ANTXR2: variants seen among roughly 807,000 people sequenced by gnomAD.
ANTXR2 encodes anthrax toxin receptor 2.
A neutral mutation model predicts 73.7 loss-of-function variants in ANTXR2; 44 were observed. The ratio of observed to expected loss-of-function variants is 0.60; its 90% CI spans 0.47 to 0.77. The LOEUF (loss-of-function observed/expected upper bound fraction) is 0.77. ANTXR2 is among the 30% of genes least tolerant of loss of function. The probability of loss-of-function intolerance (pLI) is 0.00; values close to 1 mark genes in which losing one functional copy is unlikely to be tolerated. For synonymous variants in ANTXR2, 217 were observed against 205.9 expected (o/e 1.05, Z -0.46); for missense variants, 604 against 592.5 (o/e 1.02, Z -0.20).
intron 16 of ANTXR2, among the ~76,000 whole-genome samples, chr4:79,948,277 A>C (rs560741838): frequency 2.0e-5 from 3 of 152,300 alleles, no homozygotes; most frequent in Non-Finnish European, 4.4e-5. Context: ...TGGTTGAAAA[A>C]TGCTGTTAAA....
chr4:80,022,114 T>C (rs1732193913), intron 10 of ANTXR2, among the ~76,000 whole-genome samples: 1 of 152,228 alleles, frequency 6.6e-6, no homozygotes, highest in Non-Finnish European at 1.5e-5. Context: ...TTCTACAACA[T>C]ACTACTTTAA....
At chr4:80,069,213 T>C (rs1030467611) in intron 3 of ANTXR2, among the ~76,000 whole-genome samples, 2 of 152,098 alleles carry the variant, frequency 1.3e-5, no homozygotes, top group Non-Finnish European at 2.9e-5. Context: ...GACAGGGATC[T>C]AGATTTCACT....
intron 16 of ANTXR2, 84 bp downstream of exon 16, chr4:79,977,537 A>G: frequency 1.3e-6 from 2 of 1,525,230 alleles, no homozygotes; most frequent in Admixed American, 2.3e-5. Context: ...AGGGCTTTAA[A>G]ATCATTTTTT....
chr4:79,948,841 C>G (rs555014903), intron 16 of ANTXR2, among the ~76,000 whole-genome samples: 4 of 152,060 alleles, frequency 2.6e-5, no homozygotes, highest in Admixed American at 2.0e-4. Flanking sequence ...TGTAGGTAAC[C>G]TAGATCTTTG....
chr4:80,022,924 G>A (rs2110073224), intron 10 of ANTXR2, among the ~76,000 whole-genome samples: 1 of 152,142 alleles, frequency 6.6e-6, no homozygotes, highest in Admixed American at 6.5e-5. Flanking sequence ...GTTGTTTTAA[G>A]GAACAGAGCT....
At chr4:80,014,372 T>C (rs939720242) in intron 11 of ANTXR2, among the ~76,000 whole-genome samples, 19 of 151,764 alleles carry the variant, frequency 1.3e-4, no homozygotes, top group African/African-American at 4.4e-4. Context: ...ATTGAGACCA[T>C]CCTGGCCAAC....
At chr4:80,036,679 T>C (rs1732984889) in intron 7 of ANTXR2, among the ~76,000 whole-genome samples, 1 of 151,996 alleles carries the variant, frequency 6.6e-6, no homozygotes, top group Admixed American at 6.6e-5. Flanking sequence ...CTCGCGCCTG[T>C]AATCCCAGCT....
At chr4:80,044,996 C>A (rs1392071129) in intron 7 of ANTXR2, among the ~76,000 whole-genome samples, 3 of 151,518 alleles carry the variant, frequency 2.0e-5, no homozygotes, top group Non-Finnish European at 4.4e-5. Context: ...TAAAAAGATA[C>A]AGAGCTTACT....
rs1026788796 is a variant in ANTXR2, at chr4:79,906,293, G to A, written c.*1136C>T. 6.6e-6 allele frequency: 1 copy of A among 152,520 alleles called. No individual in the cohort carries two copies. The highest frequency in any genetic ancestry group is 1.5e-5 in the Non-Finnish European group (1 of 68,030). The allele number at this position is 152,520 out of a possible 1,614,324, so 9.4% of individuals were successfully genotyped here. On this transcript the variant is annotated 3_prime_UTR_variant, in exon 17 of 17. Transcript: ENST00000403729. The stretch of plus-strand genomic sequence containing the variant: ...TACTGAATCATAACCAAGGTAGAGT[G>A]CCCCTCAAAATCCAAGTAATGCGCA...
intron 12 of ANTXR2, among the ~76,000 whole-genome samples, chr4:80,004,126 G>A (rs1441178631): frequency 6.7e-6 from 1 of 149,786 alleles, no homozygotes; most frequent in Non-Finnish European, 1.5e-5. Flanking sequence ...GTGGATCTCG[G>A]GAATTATGCT....
intron 8 of ANTXR2, among the ~76,000 whole-genome samples, chr4:80,035,585 C>A (rs1732914649): frequency 6.6e-6 from 1 of 152,126 alleles, no homozygotes; most frequent in African/African-American, 2.4e-5. Flanking sequence ...GTGCCCTGAG[C>A]TGGCAGATTC....
At chr4:79,990,724 T>C (rs1395410334) in intron 12 of ANTXR2, among the ~76,000 whole-genome samples, 2 of 152,082 alleles carry the variant, frequency 1.3e-5, no homozygotes, top group African/African-American at 4.8e-5. Flanking sequence ...ACTACCTGTC[T>C]TCAAACTATG....
intron 16 of ANTXR2, among the ~76,000 whole-genome samples, chr4:79,943,852 A>G (rs1383559296): frequency 6.6e-6 from 1 of 151,974 alleles, no homozygotes; most frequent in Non-Finnish European, 1.5e-5. Flanking sequence ...TTAATCATAA[A>G]TGACTGCCCT....
chr4:79,937,568 A>C (rs1469057738), intron 16 of ANTXR2, among the ~76,000 whole-genome samples: 2 of 152,172 alleles, frequency 1.3e-5, no homozygotes, highest in African/African-American at 2.4e-5. Flanking sequence ...TACCATACTC[A>C]AACAGATTTG....
intron 7 of ANTXR2, among the ~76,000 whole-genome samples, chr4:80,038,473 C>T (rs569476600): frequency 6.6e-6 from 1 of 152,018 alleles, no homozygotes; most frequent in African/African-American, 2.4e-5. Flanking sequence ...CCCTGTATAT[C>T]CCCTATAAGG....
chr4:80,034,318 T>C (rs1366670395), intron 8 of ANTXR2, among the ~76,000 whole-genome samples: 4 of 152,134 alleles, frequency 2.6e-5, no homozygotes, highest in Non-Finnish European at 4.4e-5. Context: ...CAAGATAGTA[T>C]ACTAACTATT....
chr4:79,915,852 C>CTATATA (rs1394190065), intron 16 of ANTXR2, among the ~76,000 whole-genome samples: 24 of 115,594 alleles, frequency 2.1e-4, no homozygotes, highest in South Asian at 8.6e-4. Context: ...CTCTCTCTCT[C>CTATATA]TCTCTCTCTC....
At chr4:80,040,081 T>C (rs1733161423) in intron 7 of ANTXR2, among the ~76,000 whole-genome samples, 1 of 151,562 alleles carries the variant, frequency 6.6e-6, no homozygotes. Context: ...CTCATGGACG[T>C]AAAGATGGGA....
chr4:79,926,366 T>C (rs771836488), intron 16 of ANTXR2, among the ~76,000 whole-genome samples: 2 of 152,140 alleles, frequency 1.3e-5, no homozygotes, highest in African/African-American at 4.8e-5. Context: ...CAGAAGGCTC[T>C]AGCTCTAATC....
Sources: allele counts gnomAD v4.1 joint callset (sites outside exome capture counted in the v4.1 genomes callset), GRCh38; gene constraint gnomAD v4.1.1; transcripts MANE v1.5; gene names NCBI Gene and HGNC (gene_info 2026-07-23, HGNC 2026-07-21).